Variants in ATXN8OS observed in about 807,000 individuals in gnomAD.
ATXN8OS encodes ATXN8 opposite strand lncRNA.
intron 1 of ATXN8OS, among the ~76,000 whole-genome samples, chr13:70,114,327 T>A (rs1427061309): frequency 6.6e-6 from 1 of 152,138 alleles, no homozygotes; most frequent in African/African-American, 2.4e-5. Flanking sequence ...TCACTGGCCA[T>A]CATGGCACAT....
intron 4 of ATXN8OS, among the ~76,000 whole-genome samples, chr13:70,163,807 A>T (rs1889039035): frequency 6.6e-6 from 1 of 151,548 alleles, no homozygotes; most frequent in Admixed American, 6.6e-5. Flanking sequence ...ATCTTTGAAT[A>T]GTTTAACTTT....
intron 4 of ATXN8OS, among the ~76,000 whole-genome samples, chr13:70,164,837 C>T (rs186826685): frequency 6.6e-6 from 1 of 151,962 alleles, no homozygotes; most frequent in East Asian, 1.9e-4. Context: ...GATGAGCTTC[C>T]TATATTCAAC....
chr13:70,136,698 A>G (rs1888621083), intron 3 of ATXN8OS, among the ~76,000 whole-genome samples: 1 of 152,138 alleles, frequency 6.6e-6, no homozygotes, highest in East Asian at 1.9e-4. Flanking sequence ...CTCAAGACAC[A>G]GTTCTTTTGA....
chr13:70,156,711 T>C (rs1335156201), intron 4 of ATXN8OS, among the ~76,000 whole-genome samples: 1 of 152,170 alleles, frequency 6.6e-6, no homozygotes, highest in Non-Finnish European at 1.5e-5. Context: ...GCATGAGTTT[T>C]CATAAACTAT....
At chr13:70,135,731 C>T (rs1250213799) in intron 3 of ATXN8OS, among the ~76,000 whole-genome samples, 1 of 152,116 alleles carries the variant, frequency 6.6e-6, no homozygotes, top group Non-Finnish European at 1.5e-5. Flanking sequence ...CTTGGTGACA[C>T]TCATGGGTGT....
At chr13:70,107,605 G>A (rs753459470), upstream of ATXN8OS, 30 of 1,594,024 alleles carry the variant, frequency 1.9e-5, no homozygotes, top group Non-Finnish European at 2.1e-5. Flanking sequence ...TCCCCCCGCC[G>A]GGCCGCCGGT....
intron 3 of ATXN8OS, among the ~76,000 whole-genome samples, chr13:70,138,538 C>T (rs948430088): frequency 6.6e-6 from 1 of 151,970 alleles, no homozygotes; most frequent in African/African-American, 2.4e-5. Flanking sequence ...TGTCTCAGTT[C>T]TAGGTGCTAT....
At chr13:70,163,741 C>T (rs567206272) in intron 4 of ATXN8OS, among the ~76,000 whole-genome samples, 1 of 151,630 alleles carries the variant, frequency 6.6e-6, no homozygotes. Flanking sequence ...TTTTTTTGAA[C>T]TTATTAGGTT....
intron 4 of ATXN8OS, among the ~76,000 whole-genome samples, chr13:70,164,376 T>A (rs974545194): frequency 6.6e-6 from 1 of 151,730 alleles, no homozygotes; most frequent in Non-Finnish European, 1.5e-5. Context: ...AGCACAGAGT[T>A]CTACCAAGCA....
At chr13:70,114,220 T>G (rs1268088653) in intron 1 of ATXN8OS, among the ~76,000 whole-genome samples, 1 of 152,180 alleles carries the variant, frequency 6.6e-6, no homozygotes, top group African/African-American at 2.4e-5. Context: ...CAAAGAATAT[T>G]ACTTGTCAGC....
At chr13:70,142,478 A>G (rs1280976971) in intron 3 of ATXN8OS, among the ~76,000 whole-genome samples, 1 of 152,190 alleles carries the variant, frequency 6.6e-6, no homozygotes, top group African/African-American at 2.4e-5. Context: ...TTAAGTCCTC[A>G]TTAGAGCTAT....
intron 3 of ATXN8OS, among the ~76,000 whole-genome samples, chr13:70,143,735 T>G (rs1488183338): frequency 6.6e-6 from 1 of 152,154 alleles, no homozygotes; most frequent in Non-Finnish European, 1.5e-5. Flanking sequence ...TGGAACTCTA[T>G]GAAGATTTTT....
At chr13:70,127,407 G>A (rs1470103794) in intron 2 of ATXN8OS, among the ~76,000 whole-genome samples, 1 of 151,928 alleles carries the variant, frequency 6.6e-6, no homozygotes, top group Admixed American at 6.6e-5. Flanking sequence ...ATCATCGAAA[G>A]AATATTAAGA....
chr13:70,109,951 TAA>T (rs1021064288), intron 1 of ATXN8OS, among the ~76,000 whole-genome samples: 77 of 152,312 alleles, frequency 5.1e-4, no homozygotes, highest in African/African-American at 1.7e-3. Flanking sequence ...TAAAATAACA[TAA>T]GTCAAGTCTC....
intron 3 of ATXN8OS, among the ~76,000 whole-genome samples, chr13:70,146,068 A>T (rs1593771665): frequency 2.3e-4 from 1 of 4,398 alleles, no homozygotes; most frequent in East Asian, 0.25. Flanking sequence ...ATTTACAAGA[A>T]AAAAAAAAAA....
At chr13:70,168,609 T>TTA (rs5804492) in intron 4 of ATXN8OS, among the ~76,000 whole-genome samples, 1 of 151,380 alleles carries the variant, frequency 6.6e-6, no homozygotes, top group Non-Finnish European at 1.5e-5. Flanking sequence ...TTTTTTTTTT[T>TTA]AGCTCCCAAT....
chr13:70,167,361 G>A (rs953967550), intron 4 of ATXN8OS, among the ~76,000 whole-genome samples: 3 of 151,992 alleles, frequency 2.0e-5, no homozygotes, highest in African/African-American at 7.2e-5. Context: ...TCCTTTGTAG[G>A]GACATGGATG....
intron 3 of ATXN8OS, among the ~76,000 whole-genome samples, chr13:70,136,587 A>C (rs1454191280): frequency 1.3e-5 from 2 of 152,044 alleles, no homozygotes; most frequent in Non-Finnish European, 2.9e-5. Context: ...ATCTCCTCGT[A>C]TTCAGGAAAT....
chr13:70,159,308 T>A (rs1338323293), intron 4 of ATXN8OS, among the ~76,000 whole-genome samples: 2 of 151,946 alleles, frequency 1.3e-5, no homozygotes, highest in East Asian at 3.9e-4. Context: ...TTGTAGATGC[T>A]TTTTTATTAT....
Sources: allele counts gnomAD v4.1 joint callset (sites outside exome capture counted in the v4.1 genomes callset), GRCh38; gene constraint gnomAD v4.1.1; transcripts MANE v1.5; gene names NCBI Gene and HGNC (gene_info 2026-07-23, HGNC 2026-07-21).